DOT1L: variants seen among roughly 807,000 people sequenced by gnomAD.
The protein encoded by DOT1L is DOT1 like histone lysine methyltransferase.
A neutral mutation model predicts 153.3 loss-of-function variants in DOT1L; 33 were observed. That is an observed-to-expected ratio of 0.22 (90% CI 0.16 to 0.29). The LOEUF (loss-of-function observed/expected upper bound fraction) is 0.29, where lower values mean the gene tolerates loss of function less well. Among genes scored for constraint, DOT1L ranks in the 10% least tolerant of loss-of-function variants. The pLI is 1.00. For synonymous variants in DOT1L, 1,135 were observed against 965.1 expected (o/e 1.18, Z -3.26); for missense variants, 1,847 against 2,119.9 (o/e 0.87, Z 2.53).
At chr19:2,165,927 C>G (rs2019900858) in intron 1 of DOT1L, among the ~76,000 whole-genome samples, 1 of 151,894 alleles carries the variant, frequency 6.6e-6, no homozygotes, top group Non-Finnish European at 1.5e-5. Flanking sequence ...CGCCACCACG[C>G]CCGGCTAATG....
chr19:2,227,944 C>G, intron 27 of DOT1L: 1 of 1,216,112 alleles, frequency 8.2e-7, no homozygotes, highest in Non-Finnish European at 1.0e-6. Flanking sequence ...CTGCCCCCGC[C>G]TGCGCACCTG....
intron 23 of DOT1L, 78 bp from the exon 24 acceptor site, chr19:2,221,897 TA>T (rs1237888756): frequency 2.3e-5 from 32 of 1,392,574 alleles, no homozygotes; most frequent in Non-Finnish European, 2.7e-5. Flanking sequence ...ACAGAGCTCC[TA>T]GGGGGTGGTG....
rs369735173 is a variant in DOT1L, at chr19:2,213,896, G to A, written c.1707G>A (p.Lys569=). 1.1e-3 allele frequency: 1,761 copies of A among 1,613,144 alleles called. 34 individuals are homozygous for A. In the South Asian group the frequency reaches 0.018, roughly 17 times the overall value. Residue 569 remains lysine, a synonymous_variant, in exon 18 of 28, where the codon AAG becomes AAA. Coordinates refer to ENST00000398665, the MANE Select transcript of DOT1L (RefSeq NM_032482.3). ...ACAACGACCTGATTCAAGCGCAGAAGGAGATCTCCGCCCATAACCAGCAGC... is the reference window on the plus strand; with the variant it reads ...ACAACGACCTGATTCAAGCGCAGAAAGAGATCTCCGCCCATAACCAGCAGC... ...LTYNDLIQAQ[K]EISAHNQQLR...
intron 16 of DOT1L, chr19:2,212,731 T>C (rs555410160): frequency 2.0e-5 from 3 of 152,256 alleles, no homozygotes; most frequent in Non-Finnish European, 4.4e-5. Flanking sequence ...GTACATGCTG[T>C]CTCTTCTGTA....
In DOT1L at chr19:2,227,205, ACT is replaced by A. The variant is rs549070047; in HGVS notation, c.4606+83_4606+84del. The A allele has an allele frequency of 7.7e-4, 1,193 of 1,542,538 alleles. 11 individuals carry two copies. In the South Asian group the frequency reaches 0.012, roughly 15 times the overall value. The stretch of plus-strand genomic sequence containing the variant: ...CCTTCCTTTGCAGGTTCCCTTCCGC[ACT>A]CTCTTGCAGCAGGAGCTGAGCTGCA... On this transcript the variant is annotated intron_variant, in intron 27 of 27. Coordinates refer to ENST00000398665, the MANE Select transcript of DOT1L (RefSeq NM_032482.3).
At chr19:2,213,456 A>T (rs1031537672) in intron 16 of DOT1L, 83 bp from the exon 17 acceptor site, 2 of 1,390,546 alleles carry the variant, frequency 1.4e-6, no homozygotes, top group Non-Finnish European at 2.0e-6. Flanking sequence ...TTCAGGAAGC[A>T]TGAGAGGCAG....
At position 2,220,564 on chromosome 19, in the gene DOT1L, C is replaced by T. The variant is rs1312132732; in HGVS notation, c.2806+342C>T. On this transcript the variant is annotated intron_variant, in intron 23 of 27. Transcript: ENST00000398665. The surrounding 1 kb of genome is among the most constrained non-coding windows in gnomAD (Gnocchi z 4.5). ...CCTGACTCAGGATCGGCTCCACACA[C>T]AGCAGTGCCCAATGGCACACGACCG... 2 of 485,574 alleles carry T rather than the reference C, an allele frequency of 4.1e-6. No homozygotes were observed. Among genetic ancestry groups the T allele is most frequent in the South Asian group, 1.5e-5 (1 of 64,796 alleles). 30.1% of individuals were successfully genotyped at this position (485,574 alleles called of 1,614,324 possible). A position where few individuals can be genotyped will look rare whatever the true frequency, so the allele number is the denominator to read the frequency against.
In DOT1L at chr19:2,226,374, G is replaced by T. The variant is rs369642113; in HGVS notation, c.3853G>T (p.Asp1285Tyr). 2 of 1,592,754 alleles carry T rather than the reference G, an allele frequency of 1.3e-6. No homozygotes were observed. Among genetic ancestry groups the T allele is most frequent in the Non-Finnish European group, 8.5e-7 (1 of 1,171,600 alleles). ...GCCCGCCCTGGAGGAGCCCTCTGCC[G>T]ATGCCAAGCTGGCCGCTCACCCCAG... ...FRPALEEPSA[D>Y]AKLAAHPRKG... Residue 1285 changes from aspartate to tyrosine, a missense_variant, in exon 27 of 28, where the codon GAT (aspartate) becomes TAT (tyrosine). Physicochemically the swap from Asp to Tyr is radical, Grantham distance 160. Transcript: ENST00000398665.
Position 2,230,594 on chromosome 19 carries a change from C to T in DOT1L, c.*802C>T, listed in dbSNP as rs112397317. The T allele has an allele frequency of 6.7e-3, 2,684 of 398,572 alleles. 54 individuals carry two copies. The highest frequency in any genetic ancestry group is 0.049 in the African/African-American group (2,381 of 48,724). 24.7% of individuals were successfully genotyped at this position (398,572 alleles called of 1,614,324 possible). A position where few individuals can be genotyped will look rare whatever the true frequency, so the allele number is the denominator to read the frequency against. Reference sequence around the variant, plus strand: ...GCCCTGCGATGCGGGGCAGGCCTGTCGTGGGTCCCTTGGTGTTTCTGTACA... The same window carrying T: ...GCCCTGCGATGCGGGGCAGGCCTGTTGTGGGTCCCTTGGTGTTTCTGTACA... On this transcript the variant is annotated 3_prime_UTR_variant, in exon 28 of 28. Coordinates refer to ENST00000398665, the MANE Select transcript of DOT1L (RefSeq NM_032482.3).
rs893449102 is a variant in DOT1L at position 2,228,541 on chromosome 19, A to G, written c.4607-1244A>G. Reference sequence around the variant, plus strand: ...CAGGGAGATGGTCGCGAGAGGAGGGACTACAGGACGGGCACCAGCCATGGA... The same window carrying G: ...CAGGGAGATGGTCGCGAGAGGAGGGGCTACAGGACGGGCACCAGCCATGGA... On this transcript the variant is annotated intron_variant, in intron 27 of 27. Transcript: ENST00000398665. 9 of 985,002 alleles carry G rather than the reference A, an allele frequency of 9.1e-6. No homozygotes were observed. In the South Asian group the frequency reaches 2.8e-4, roughly 31 times the overall value. 61.0% of individuals were successfully genotyped at this position (985,002 alleles called of 1,614,324 possible). A position where few individuals can be genotyped will look rare whatever the true frequency, so the allele number is the denominator to read the frequency against.
intron 1 of DOT1L, among the ~76,000 whole-genome samples, chr19:2,173,536 C>A (rs77600420): frequency 1.1e-4 from 17 of 152,052 alleles, no homozygotes; most frequent in Non-Finnish European, 1.8e-4. Context: ...TTAGCGCCTC[C>A]GTCTGTGAGA....
intron 8 of DOT1L, among the ~76,000 whole-genome samples, chr19:2,201,964 C>T (rs1010460980): frequency 5.9e-5 from 9 of 152,228 alleles, no homozygotes; most frequent in Non-Finnish European, 5.9e-5. Flanking sequence ...TTTCCTGGGT[C>T]TGACTCACGA....
At chr19:2,186,038 C>G (rs1400950811) in intron 3 of DOT1L, 109 bp downstream of exon 3, 9 of 1,053,844 alleles carry the variant, frequency 8.5e-6, no homozygotes, top group Non-Finnish European at 1.1e-5. Flanking sequence ...GCAAGCTGAT[C>G]TGAAATTTCC....
intron 7 of DOT1L, among the ~76,000 whole-genome samples, chr19:2,195,470 G>A (rs542601576): frequency 6.6e-6 from 1 of 152,268 alleles, no homozygotes; most frequent in African/African-American, 2.4e-5. Flanking sequence ...CCGCCCTTAT[G>A]GGGTGTGGGC....
chr19:2,168,511 G>C (rs1047438763), intron 1 of DOT1L, among the ~76,000 whole-genome samples: 1 of 152,198 alleles, frequency 6.6e-6, no homozygotes, highest in African/African-American at 2.4e-5. Context: ...TGAGCAGTTC[G>C]GAAGGGGTTT....
chr19:2,195,973 G>A (rs1055710279), intron 7 of DOT1L, among the ~76,000 whole-genome samples: 3 of 152,246 alleles, frequency 2.0e-5, no homozygotes, highest in Non-Finnish European at 4.4e-5. Flanking sequence ...AGCAGGGTGC[G>A]TGGAGGCGTG....
chr19:2,186,673 C>T (rs2022520530), intron 3 of DOT1L, among the ~76,000 whole-genome samples: 1 of 152,218 alleles, frequency 6.6e-6, no homozygotes, highest in Non-Finnish European at 1.5e-5. Flanking sequence ...GTCTCAGCCT[C>T]AGTAAACCTC....
At chr19:2,184,301 T>C (rs1264032541) in intron 2 of DOT1L, among the ~76,000 whole-genome samples, 1 of 152,062 alleles carries the variant, frequency 6.6e-6, no homozygotes, top group African/African-American at 2.4e-5. Context: ...TTGACCATGC[T>C]GGGGACGGGT....
rs2023400360 is a variant in DOT1L, at chr19:2,204,133, CTG to C, written c.787+1358_787+1359del. On this transcript the variant is annotated intron_variant, in intron 9 of 27. Coordinates refer to ENST00000398665, the MANE Select transcript of DOT1L (RefSeq NM_032482.3). The surrounding 1 kb of genome is among the most constrained non-coding windows in gnomAD (Gnocchi z 5.7). ...TGCGTGTCTGTGTCTCTGTGCATGC[CTG>C]TGTCTCTGTGTGTGCCCGTGTGCCT... is the stretch of plus-strand genomic sequence containing the variant. Among the ~76,000 whole-genome samples, 2 of 151,576 alleles carry C rather than the reference CTG, an allele frequency of 1.3e-5. No individual in the cohort carries two copies. Among genetic ancestry groups the C allele is most frequent in the South Asian group, 4.2e-4 (2 of 4,784 alleles).
Sources: allele counts gnomAD v4.1 joint callset (sites outside exome capture counted in the v4.1 genomes callset), GRCh38; gene constraint gnomAD v4.1.1; non-coding constraint Gnocchi (gnomAD v3.1); transcripts MANE v1.5; gene names NCBI Gene and HGNC (gene_info 2026-07-23, HGNC 2026-07-21).